Variants in TUFM observed in about 807,000 individuals in gnomAD.
TUFM encodes elongation factor Tu, mitochondrial.
In TUFM, 23 loss-of-function variants were observed where a neutral mutation model predicts 45.0. The ratio of observed to expected loss-of-function variants is 0.51; its 90% CI spans 0.37 to 0.72. TUFM has a LOEUF of 0.72. Ranked by LOEUF, TUFM falls within the 30% of genes least tolerant of loss-of-function variation. TUFM has a pLI of 0.00. For missense variants in TUFM, 490 were observed against 610.7 expected (o/e 0.80, Z 2.08); for synonymous variants, 243 against 252.9 (o/e 0.96, Z 0.37).
Position 28,845,452 on chromosome 16 carries a change from G to T in TUFM, c.276C>A (p.Phe92Leu). 6.2e-7 allele frequency: 1 copy of T among 1,614,078 alleles called. No homozygotes were observed. Among genetic ancestry groups the T allele is most frequent in the South Asian group, 1.1e-5 (1 of 91,084 alleles). Reference protein sequence around the residue: ...KILAEGGGAKFKKYEEIDNAP... With the variant: ...KILAEGGGAKLKKYEEIDNAP... ...CATTGTCAATCTCCTCGTACTTCTT[G>T]AACTTAGCCCCACCTCCCTCAGCTA... Residue 92 changes from phenylalanine (F) to leucine (L), a missense_variant, in exon 3 of 10, where the codon TTC becomes TTA. By Grantham distance (22) the Phe-to-Leu change is conservative (BLOSUM62 0). Coordinates refer to ENST00000313511, the MANE Select transcript of TUFM (RefSeq NM_003321.5).
In TUFM at chr16:28,843,152, G is replaced by A; in HGVS notation, c.1195-4C>T. The A allele has an allele frequency of 6.2e-7, 1 of 1,614,184 alleles. No individual in the cohort carries two copies. Among genetic ancestry groups the A allele is most frequent in the Non-Finnish European group, 8.5e-7 (1 of 1,180,030 alleles). On this transcript the variant is annotated splice_region_variant and splice_polypyrimidine_tract_variant and intron_variant, in intron 9 of 9. Coordinates refer to ENST00000313511, the MANE Select transcript of TUFM (RefSeq NM_003321.5). ...CCTCCCCGGGCATGGCAAGCTCCTA[G>A]AGTAGGAAGAGAAGGATCATGCGTG...
In TUFM at chr16:28,845,998, T is replaced by A; in HGVS notation, c.161A>T (p.Tyr54Phe). ...RGLAVEAKKTYVRDKPHVNVG... is the reference protein window; with the variant it reads ...RGLAVEAKKTFVRDKPHVNVG... ...ATTCACATGTGGCTTGTCGCGCACG[T>A]AAGTCTTCTTGGCCTCCACGGCCAG... Residue 54 changes from tyrosine (Y) to phenylalanine (F), a missense_variant, in exon 2 of 10, where the codon TAC (tyrosine) becomes TTC (phenylalanine). Tyr to Phe is a conservative substitution (Grantham distance 22). Coordinates refer to ENST00000313511, the MANE Select transcript of TUFM (RefSeq NM_003321.5). 1 of 1,613,790 alleles carries A rather than the reference T, an allele frequency of 6.2e-7. No individual in the cohort carries two copies. The highest frequency in any genetic ancestry group is 8.5e-7 in the Non-Finnish European group (1 of 1,179,950).
rs115691896 is a variant in TUFM at position 28,844,875 on chromosome 16, G to C, written c.520-13C>G. The C allele has an allele frequency of 2.7e-4, 436 of 1,614,176 alleles. 3 individuals carry two copies. In the African/African-American group the frequency reaches 5.0e-3, roughly 18 times the overall value. ...GCTCCACCCCAATCTGTAGATGCCAGAGAGACAGGGACAATATACAGAGGG... is the reference window on the plus strand; with the variant it reads ...GCTCCACCCCAATCTGTAGATGCCACAGAGACAGGGACAATATACAGAGGG... On this transcript the variant is annotated splice_polypyrimidine_tract_variant and intron_variant, in intron 4 of 9. Coordinates refer to ENST00000313511, the MANE Select transcript of TUFM (RefSeq NM_003321.5). This position sits in a 1 kb window ranked among gnomAD's most constrained non-coding sequence, Gnocchi z 5.8.
In TUFM at chr16:28,845,598, C is replaced by T. The variant is rs1961925797; in HGVS notation, c.248-118G>A. 5 of 1,287,312 alleles carry T rather than the reference C, an allele frequency of 3.9e-6. No individual in the cohort carries two copies. In the East Asian group the frequency reaches 1.2e-4, roughly 32 times the overall value. 79.7% of individuals were successfully genotyped at this position (1,287,312 alleles called of 1,614,324 possible). A position where few individuals can be genotyped will look rare whatever the true frequency, so the allele number is the denominator to read the frequency against. Reference sequence around the variant, plus strand: ...TAACCTCCTCCAATCTCTAACTCTTCCAGCAGAGAGAACTGTGGGTCAGAA... The same window carrying T: ...TAACCTCCTCCAATCTCTAACTCTTTCAGCAGAGAGAACTGTGGGTCAGAA... On this transcript the variant is annotated intron_variant, in intron 2 of 9. Coordinates refer to ENST00000313511, the MANE Select transcript of TUFM (RefSeq NM_003321.5).
rs1961905582 is a variant in TUFM, at chr16:28,845,114, T to C, written c.415-59A>G. On this transcript the variant is annotated intron_variant, in intron 3 of 9. Coordinates refer to ENST00000313511, the MANE Select transcript of TUFM (RefSeq NM_003321.5). ...CAACGAGCTCTTCAGTTCACATCCA[T>C]ATAGCCAAGTGTAGCAGTTAGAAAC... 4 of 1,592,368 alleles carry C rather than the reference T, an allele frequency of 2.5e-6. No individual in the cohort carries two copies. In the South Asian group the frequency reaches 3.3e-5, roughly 13 times the overall value.
Position 28,846,102 on chromosome 16 carries a change from G to GA in TUFM, c.56dup (p.Ala20ArgfsTer67), listed in dbSNP as rs1277012099. On this transcript the variant is annotated frameshift_variant, in exon 2 of 10. Transcript: ENST00000313511. LOFTEE classifies it high-confidence loss of function. The stretch of plus-strand genomic sequence containing the variant: ...GCAGCAGGAAGGTCCGGCCGGCGGC[G>GA]AGACCTGCCGGGACCGAAGCTTGGA... 1 of 1,613,332 alleles carries GA rather than the reference G, an allele frequency of 6.2e-7. No individual in the cohort carries two copies. The highest frequency in any genetic ancestry group is 8.5e-7 in the Non-Finnish European group (1 of 1,179,846).
intron 2 of TUFM, 37 bp downstream of exon 2, chr16:28,845,875 T>C (rs751326095): frequency 3.1e-6 from 5 of 1,609,692 alleles, no homozygotes; most frequent in Admixed American, 3.3e-5. Context: ...GTCCCATCAG[T>C]AGATAGGGCG....
rs751469540 is a variant in TUFM at position 28,844,735 on chromosome 16, G to T, written c.647C>A (p.Thr216Asn). The T allele has an allele frequency of 2.0e-5, 33 of 1,614,076 alleles. No homozygotes were observed. Among genetic ancestry groups the T allele is most frequent in the Non-Finnish European group, 2.6e-5 (31 of 1,180,048 alleles). Residue 216 changes from threonine to asparagine, a missense_variant, in exon 5 of 10, where the codon ACC (threonine) becomes AAC (asparagine). Transcript: ENST00000313511. This position sits in a 1 kb window ranked among gnomAD's most constrained non-coding sequence, Gnocchi z 5.8. ...LTEFGYKGEE[T>N]PVIVGSALCA... ...GAGAGCAGAGCCTACGATGACTGGG[G>T]TCTCCTCCCCTTTATAGCCAAACTC...
rs746833692 is a variant in TUFM, at chr16:28,843,087, A to G, written c.1256T>C (p.Leu419Ser). Residue 419 changes from leucine to serine, a missense_variant, in exon 10 of 10, where the codon TTA (leucine) becomes TCA (serine). By Grantham distance (145) the Leu-to-Ser change is moderately radical. Coordinates refer to ENST00000313511, the MANE Select transcript of TUFM (RefSeq NM_003321.5). Reference protein sequence around the residue: ...FNLILRQPMILEKGQRFTLRD... With the variant: ...FNLILRQPMISEKGQRFTLRD... ...CAGGGTGAAACGCTGGCCTTTCTCT[A>G]AGATCATTGGCTGCCGCAAGATTAG... 2 of 1,614,178 alleles carry G rather than the reference A, an allele frequency of 1.2e-6. No individual in the cohort carries two copies. The highest frequency in any genetic ancestry group is 1.7e-6 in the Non-Finnish European group (2 of 1,180,032).
chr16:28,843,610 C>A, intron 9 of TUFM, 126 bp downstream of exon 9: 1 of 1,369,564 alleles, frequency 7.3e-7, no homozygotes, highest in Non-Finnish European at 1.0e-6. Flanking sequence ...CAGCGGCAAG[C>A]AGCCCCTTTC....
chr16:28,845,287 T>C (rs751869124), intron 3 of TUFM, 27 bp downstream of exon 3: 1 of 1,614,008 alleles, frequency 6.2e-7, no homozygotes, highest in South Asian at 1.1e-5. Flanking sequence ...CTTCTGGCCC[T>C]GTCTCCAGTG....
At position 28,844,602 on chromosome 16, in the gene TUFM, A is replaced by G; in HGVS notation, c.685-51T>C. ...TGAAATCCCCATTCTACTTCCCTCG[A>G]TTATCAAGAGCCACTTCCCAGACAC... On this transcript the variant is annotated intron_variant, in intron 5 of 9. Transcript: ENST00000313511. The surrounding 1 kb of genome is among the most constrained non-coding windows in gnomAD (Gnocchi z 5.8). The G allele has an allele frequency of 6.2e-7, 1 of 1,613,262 alleles. No individual in the cohort carries two copies. The highest frequency in any genetic ancestry group is 8.5e-7 in the Non-Finnish European group (1 of 1,180,000).
chr16:28,843,606 C>A, intron 9 of TUFM, 130 bp downstream of exon 9: 1 of 1,347,702 alleles, frequency 7.4e-7, no homozygotes, highest in Non-Finnish European at 1.0e-6. Flanking sequence ...CTAGCAGCGG[C>A]AAGCAGCCCC....
At chr16:28,846,189 G>A (rs757469472) in intron 1 of TUFM, 29 bp downstream of exon 1, 1 of 1,587,438 alleles carries the variant, frequency 6.3e-7, no homozygotes, top group East Asian at 2.3e-5. Context: ...AGTGTTCCTG[G>A]GCCGCCATCG....
chr16:28,842,626 C>T lies in TUFM; in HGVS notation c.*349G>A, dbSNP rs749982691. On this transcript the variant is annotated 3_prime_UTR_variant, in exon 10 of 10. Coordinates refer to ENST00000313511, the MANE Select transcript of TUFM (RefSeq NM_003321.5). Reference sequence around the variant, plus strand: ...CACTATCTCCCAGGAGGCTGAATAACGGCATCCTACTGTGTCTAGGCAATC... The same window carrying T: ...CACTATCTCCCAGGAGGCTGAATAATGGCATCCTACTGTGTCTAGGCAATC... The T allele has an allele frequency of 3.2e-5, 11 of 344,288 alleles. No individual in the cohort carries two copies. Among genetic ancestry groups the T allele is most frequent in the East Asian group, 1.4e-4 (2 of 14,048 alleles). The allele number at this position is 344,288 out of a possible 1,614,324, so 21.3% of individuals were successfully genotyped here.
At position 28,842,995 on chromosome 16, in the gene TUFM, T is replaced by C. The variant is rs199674838; in HGVS notation, c.1348A>G (p.Lys450Glu). 8.1e-5 allele frequency: 130 copies of C among 1,614,074 alleles called. No individual in the cohort carries two copies. Among genetic ancestry groups the C allele is most frequent in the Non-Finnish European group, 1.0e-4 (120 of 1,180,050 alleles). The change falls in exon 10 of 10, where the codon AAG becomes GAG. Residue 450 changes from lysine (K) to glutamate (E), a missense_variant. By Grantham distance (56) the Lys-to-Glu change is moderately conservative. Transcript: ENST00000313511. ...CACACTCAACCCCATTTGATATTCT[T>C]CTCCTCCTCAGTCATGGCCAGCGTG... The part of the protein sequence containing the change: ...TNTLAMTEEE[K>E]NIKWG
At chr16:28,843,171 A>G in intron 9 of TUFM, 23 bp from the exon 10 acceptor site, 4 of 1,614,092 alleles carry the variant, frequency 2.5e-6, no homozygotes, top group Non-Finnish European at 3.4e-6. Context: ...GAGAAGGATC[A>G]TGCGTGGCCT....
chr16:28,846,133 G>T (rs1961950553), intron 1 of TUFM, 27 bp from the exon 2 acceptor site: 1 of 1,612,686 alleles, frequency 6.2e-7, no homozygotes, highest in African/African-American at 1.3e-5. Context: ...TTGGAGTCAG[G>T]CAGGGAAGGG....
At chr16:28,845,522 T>A in intron 2 of TUFM, 42 bp from the exon 3 acceptor site, 1 of 1,613,018 alleles carries the variant, frequency 6.2e-7, no homozygotes, top group South Asian at 1.1e-5. Flanking sequence ...AAAGTTCCAG[T>A]GCTAGAGGCA....
Sources: allele counts gnomAD v4.1 joint callset, GRCh38; gene constraint gnomAD v4.1.1; non-coding constraint Gnocchi (gnomAD v3.1); transcripts MANE v1.5; gene names NCBI Gene and HGNC (gene_info 2026-07-23, HGNC 2026-07-21).